ANK1: variants seen among roughly 807,000 people sequenced by gnomAD.
ANK1 encodes the protein ankyrin-1.
A neutral mutation model predicts 210.4 loss-of-function variants in ANK1; 51 were observed. That is an observed-to-expected ratio of 0.24 (90% CI 0.19 to 0.31). The LOEUF (loss-of-function observed/expected upper bound fraction) is 0.31, where lower values mean the gene tolerates loss of function less well. Ranked by LOEUF, ANK1 falls within the 10% of genes least tolerant of loss-of-function variation. ANK1 has a pLI of 1.00. For synonymous variants in ANK1, 967 were observed against 1,025.9 expected, an observed-to-expected ratio of 0.94 and a Z score of 1.10; for missense variants, 2,051 against 2,504.4, an observed-to-expected ratio of 0.82 and a Z score of 3.86.
intron 1 of ANK1, among the ~76,000 whole-genome samples, chr8:41,844,563 G>A (rs1364214462): frequency 2.0e-5 from 3 of 152,110 alleles, no homozygotes; most frequent in African/African-American, 4.8e-5. Context: ...CACAGGAGCT[G>A]CGGTCAAAGC....
intron 36 of ANK1, 140 bp from the exon 37 acceptor site, chr8:41,684,830 T>G: frequency 9.0e-7 from 1 of 1,107,562 alleles, no homozygotes; most frequent in South Asian, 1.3e-5. Context: ...TTTATTAGAG[T>G]CAAAACAAAC....
At position 41,698,086 on chromosome 8, in the gene ANK1, G is replaced by A. The variant is rs1263113728; in HGVS notation, c.2594C>T (p.Ala865Val). 1.9e-6 allele frequency: 3 copies of A among 1,614,100 alleles called. No individual in the cohort carries two copies. The highest frequency in any genetic ancestry group is 2.5e-6 in the Non-Finnish European group (3 of 1,180,028). ...ESPAIPRIPC[A>V]MPETVVIRSE... The stretch of plus-strand genomic sequence containing the variant: ...CCTGATCACCACTGTCTCAGGCATG[G>A]CACAGGGAATCCTGGGGATGGCTGG... The change falls in exon 24 of 43, where the codon GCC (alanine) becomes GTC (valine). Residue 865 changes from alanine to valine, a missense_variant. Physicochemically the swap from Ala to Val is moderately conservative, Grantham distance 64. Coordinates refer to ENST00000289734, the MANE Select transcript of ANK1 (RefSeq NM_000037.4).
At chr8:41,863,160 C>A (rs943131038) in intron 1 of ANK1, among the ~76,000 whole-genome samples, 3 of 151,988 alleles carry the variant, frequency 2.0e-5, no homozygotes, top group Non-Finnish European at 4.4e-5. Context: ...AGATTGAGAC[C>A]ATCCTGGCTA....
At chr8:41,867,339 A>T (rs1814665797) in intron 1 of ANK1, among the ~76,000 whole-genome samples, 1 of 152,154 alleles carries the variant, frequency 6.6e-6, no homozygotes, top group South Asian at 2.1e-4. Context: ...TCAGCTCTCA[A>T]ACAAGACACT....
intron 39 of ANK1, 52 bp downstream of exon 39, chr8:41,668,215 C>T: frequency 6.2e-7 from 1 of 1,612,680 alleles, no homozygotes; most frequent in African/African-American, 1.3e-5. Flanking sequence ...AGTCCCGGCC[C>T]CTTCCGATGC....
In ANK1 at chr8:41,708,853, C is replaced by T. The variant is rs1825398534; in HGVS notation, c.1923G>A (p.Leu641=). ...TCTCTGCGTGGCCCTCCTGGGCGGC[C>T]AGGTGAAGGGGCGTCACACCTTGCA... ...ESVQGVTPLH[L]AAQEGHAEMV... is the part of the protein sequence containing the mutation. The change falls in exon 17 of 43, where the codon CTG becomes CTA. Residue 641 remains leucine, a synonymous_variant. Coordinates refer to ENST00000289734, the MANE Select transcript of ANK1 (RefSeq NM_000037.4). 1.2e-6 allele frequency: 2 copies of T among 1,614,108 alleles called. No individual in the cohort carries two copies. Among genetic ancestry groups the T allele is most frequent in the Non-Finnish European group, 1.7e-6 (2 of 1,180,040 alleles).
At chr8:41,755,224 C>G (rs954311993) in intron 2 of ANK1, among the ~76,000 whole-genome samples, 1 of 152,310 alleles carries the variant, frequency 6.6e-6, no homozygotes, top group East Asian at 1.9e-4. Flanking sequence ...CAAAACGAAC[C>G]GAAGAGGTGC....
chr8:41,719,548 C>A (rs1828695927), intron 10 of ANK1, 113 bp downstream of exon 10: 7 of 1,401,530 alleles, frequency 5.0e-6, no homozygotes, highest in Non-Finnish European at 6.0e-6. Flanking sequence ...GGCCTCGAAT[C>A]TGGGGAGCTC....
At chr8:41,661,254 G>T in intron 42 of ANK1, 176 bp downstream of exon 42, 1 of 923,158 alleles carries the variant, frequency 1.1e-6, no homozygotes, top group Non-Finnish European at 1.6e-6. Flanking sequence ...AGGAAGCTGG[G>T]GTTCAGAGCC....
intron 1 of ANK1, among the ~76,000 whole-genome samples, chr8:41,842,218 C>A (rs113661078): frequency 0.02 from 3,081 of 152,266 alleles, 42 homozygotes; most frequent in Non-Finnish European, 0.021. Context: ...TGAGGCCAGG[C>A]GCAGTGGCTC....
chr8:41,793,922 T>C (rs927931162), intron 1 of ANK1, among the ~76,000 whole-genome samples: 3 of 152,338 alleles, frequency 2.0e-5, no homozygotes, highest in African/African-American at 7.2e-5. Flanking sequence ...TACCCAGGTA[T>C]AGCCATGAAA....
chr8:41,690,811 G>T (rs557315086), intron 31 of ANK1, among the ~76,000 whole-genome samples: 8 of 152,350 alleles, frequency 5.3e-5, no homozygotes, highest in African/African-American at 1.7e-4. Context: ...AACAGATTTT[G>T]TAATATGTAG....
chr8:41,726,978 C>G (rs137938719), intron 5 of ANK1, among the ~76,000 whole-genome samples: 1 of 152,310 alleles, frequency 6.6e-6, no homozygotes, highest in Non-Finnish European at 1.5e-5. Context: ...TTCGCCTGCC[C>G]CCTCCAGTCA....
chr8:41,848,286 A>G (rs915815135), intron 1 of ANK1, among the ~76,000 whole-genome samples: 2 of 152,234 alleles, frequency 1.3e-5, no homozygotes, highest in African/African-American at 4.8e-5. Flanking sequence ...TCTGCATAAA[A>G]CACCCAGTGA....
At chr8:41,770,596 C>T (rs574187774) in intron 1 of ANK1, among the ~76,000 whole-genome samples, 1 of 152,352 alleles carries the variant, frequency 6.6e-6, no homozygotes, top group South Asian at 2.1e-4. Context: ...ACCCACAGCA[C>T]TCTGAGTGTA....
chr8:41,741,963 C>G (rs72640304), intron 2 of ANK1, among the ~76,000 whole-genome samples: 31,180 of 152,188 alleles, frequency 0.2, 4,172 homozygotes, highest in South Asian at 0.28. Flanking sequence ...ACACCTAGAG[C>G]TGTGCACCTG....
chr8:41,719,561 G>A (rs1052405768), intron 10 of ANK1, 100 bp downstream of exon 10: 1 of 1,505,094 alleles, frequency 6.6e-7, no homozygotes, highest in Middle Eastern at 2.3e-4. Context: ...GGGAGCTCCG[G>A]GCACCTGCCG....
At chr8:41,708,694 C>T in intron 17 of ANK1, 84 bp downstream of exon 17, 1 of 1,492,170 alleles carries the variant, frequency 6.7e-7, no homozygotes, top group South Asian at 1.1e-5. Context: ...AACTCAGAAC[C>T]TGGGCACACA....
At chr8:41,768,800 CAAAA>C (rs34057212) in intron 1 of ANK1, among the ~76,000 whole-genome samples, 14,175 of 130,934 alleles carry the variant, frequency 0.11, 806 homozygotes, top group South Asian at 0.16. Flanking sequence ...CCTGTCTCCA[CAAAA>C]AAAAAAAAAA....
Sources: gnomAD v4.1 joint callset for allele counts (sites outside exome capture counted in the v4.1 genomes callset) on GRCh38, gnomAD v4.1.1 for gene constraint, MANE v1.5 for transcripts, NCBI Gene and HGNC (gene_info 2026-07-23, HGNC 2026-07-21) for gene names.